ADAT1: variants seen among roughly 807,000 people sequenced by gnomAD.
ADAT1 encodes tRNA-specific adenosine deaminase 1.
In ADAT1, 58 loss-of-function variants were observed where a neutral mutation model predicts 58.6. That is an observed-to-expected ratio of 0.99 (90% CI 0.80 to 1.23). ADAT1 has a LOEUF of 1.23. Among genes scored for constraint, ADAT1 ranks in the 50% most tolerant of loss-of-function variants. The pLI is 0.00. For synonymous variants in ADAT1, 254 were observed against 220.8 expected, an observed-to-expected ratio of 1.15 and a Z score of -1.33; for missense variants, 741 against 608.6, an observed-to-expected ratio of 1.22 and a Z score of -2.29.
At chr16:75,617,362 T>A (rs1194367394) in intron 4 of ADAT1, 90 bp from the exon 5 acceptor site, 5 of 1,393,528 alleles carry the variant, frequency 3.6e-6, no homozygotes, top group Non-Finnish European at 3.0e-6. Context: ...GACAGCTTAC[T>A]GTAGACTAAT....
rs375413441 is a variant in ADAT1 at position 75,603,056 on chromosome 16, T to C, written c.1376+29A>G. The C allele has an allele frequency of 2.5e-6, 4 of 1,599,680 alleles. No homozygotes were observed. The African/African-American group carries it at 5.4e-5, about 21-fold the overall frequency. ...GAATCAAAACAGTTGTCTACCTAAA[T>C]ATGAGAAAACATAGGTCAACAGCAT... On this transcript the variant is annotated intron_variant, in intron 9 of 9. Transcript: ENST00000564657.
rs1209048631 is a variant in ADAT1 at position 75,618,099 on chromosome 16, A to C, written c.293+487T>G. ...GGTAACAGAGCAAGACCCTGTGTCC[A>C]AAAAAAAAAAAAAAAAAAAAAAAAA... On this transcript the variant is annotated intron_variant, in intron 4 of 9. Transcript: ENST00000564657. 2.5e-5 allele frequency among the ~76,000 whole-genome samples: 2 copies of C among 80,138 alleles called. 1 individual carries two copies. The highest frequency in any genetic ancestry group is 6.0e-4 in the East Asian group (2 of 3,312). 52.6% of individuals were successfully genotyped at this position (80,138 alleles called of 152,430 possible).
In ADAT1 at chr16:75,612,324, T is replaced by A. The variant is rs767146941; in HGVS notation, c.962A>T (p.Glu321Val). 1 of 1,614,202 alleles carries A rather than the reference T, an allele frequency of 6.2e-7. No individual in the cohort carries two copies. Among genetic ancestry groups the A allele is most frequent in the South Asian group, 1.1e-5 (1 of 91,086 alleles). The part of the protein sequence containing the change: ...CQGALLMHLL[E>V]EPIYLSAVVI... ...CACAGCTGACAGGTAGATGGGCTCT[T>A]CCAGCAAGTGCATCAACAGTGCCCC... The change falls in exon 6 of 10, where the codon GAA becomes GTA. Residue 321 changes from glutamate (E) to valine (V), a missense_variant. Transcript: ENST00000564657.
In ADAT1 at chr16:75,600,222, G is replaced by C. The variant is rs745438639; in HGVS notation, c.1503C>G (p.Phe501Leu). Residue 501 changes from phenylalanine (F) to leucine (L), a missense_variant, in exon 10 of 10, where the codon TTC becomes TTG. Transcript: ENST00000564657. ...CAGAGCAAACATTTCCTTCTCACTT[G>C]AACTGGTGATAATCCGGTGGGTTTC... ...WIRNPPDYHQ[F>L]K The C allele has an allele frequency of 6.2e-7, 1 of 1,614,166 alleles. No individual in the cohort carries two copies. Among genetic ancestry groups the C allele is most frequent in the Non-Finnish European group, 8.5e-7 (1 of 1,180,018 alleles).
chr16:75,617,153 C>T lies in ADAT1; in HGVS notation c.413G>A (p.Ser138Asn). Residue 138 changes from serine (S) to asparagine (N), a missense_variant, in exon 5 of 10, where the codon AGC becomes AAC. Transcript: ENST00000564657. Reference protein sequence around the residue: ...RRDLIFVFFSSHTPCGDASII... With the variant: ...RRDLIFVFFSNHTPCGDASII... ...TTGAATATACTTACAGGGTGTATGGCTGGAGAAAAACACAAAAATGAGGTC... is the reference window on the plus strand; with the variant it reads ...TTGAATATACTTACAGGGTGTATGGTTGGAGAAAAACACAAAAATGAGGTC... The T allele has an allele frequency of 6.2e-7, 1 of 1,613,366 alleles. No homozygotes were observed. Among genetic ancestry groups the T allele is most frequent in the Non-Finnish European group, 8.5e-7 (1 of 1,179,424 alleles).
chr16:75,608,265 T>A lies in ADAT1; in HGVS notation c.1248A>T (p.Pro416=), dbSNP rs1282057956. 2 of 1,614,116 alleles carry A rather than the reference T, an allele frequency of 1.2e-6. No homozygotes were observed. Among genetic ancestry groups the A allele is most frequent in the Admixed American group, 1.7e-5 (1 of 60,032 alleles). ...CAATTGTTTTCTTTGTTGTTCCCTG[T>A]GGAAAGCCATTGGCAGTAACATCCA... ...QPLDVTANGF[P]QGTTKKTIGS... The change falls in exon 8 of 10, where the codon CCA becomes CCT. Residue 416 remains proline, a synonymous_variant. Coordinates refer to ENST00000564657, the MANE Select transcript of ADAT1 (RefSeq NM_001324445.2).
chr16:75,617,062 G>T lies in ADAT1; in HGVS notation c.424+80C>A, dbSNP rs930302470. 16 of 1,508,010 alleles carry T rather than the reference G, an allele frequency of 1.1e-5. No homozygotes were observed. The African/African-American group carries it at 1.8e-4, about 17-fold the overall frequency. The allele number at this position is 1,508,010 out of a possible 1,614,324, so 93.4% of individuals were successfully genotyped here. ...CTACTTCAGCCATTAGTGCTTTTTA[G>T]GAAAAAACCTACCTATGGATAACAC... On this transcript the variant is annotated intron_variant, in intron 5 of 9. Coordinates refer to ENST00000564657, the MANE Select transcript of ADAT1 (RefSeq NM_001324445.2).
At chr16:75,617,881 A>C (rs2081786526) in intron 4 of ADAT1, among the ~76,000 whole-genome samples, 1 of 150,062 alleles carries the variant, frequency 6.7e-6, no homozygotes, top group South Asian at 2.1e-4. Context: ...AGCCCCAGGA[A>C]TCCAACACCA....
In ADAT1 at chr16:75,598,778, C is replaced by T; in HGVS notation, c.*1438G>A. The T allele has an allele frequency of 1.9e-6, 1 of 526,792 alleles. No homozygotes were observed. Among genetic ancestry groups the T allele is most frequent in the Non-Finnish European group, 2.4e-6 (1 of 411,222 alleles). The allele number at this position is 526,792 out of a possible 1,614,324, so 32.6% of individuals were successfully genotyped here. A position where few individuals can be genotyped will look rare whatever the true frequency, so the allele number is the denominator to read the frequency against. ...AGGTGATCTGCCTGCCTCAGCCTCCCAAAGTGTTGGAATTACAGGCGTAAG... is the reference window on the plus strand; with the variant it reads ...AGGTGATCTGCCTGCCTCAGCCTCCTAAAGTGTTGGAATTACAGGCGTAAG... On this transcript the variant is annotated 3_prime_UTR_variant, in exon 10 of 10. Transcript: ENST00000564657.
intron 4 of ADAT1, 111 bp from the exon 5 acceptor site, chr16:75,617,383 G>T: frequency 8.4e-7 from 1 of 1,197,210 alleles, no homozygotes; most frequent in Non-Finnish European, 1.2e-6. Context: ...GGGACTGGTA[G>T]TGATGGGGAA....
At chr16:75,602,434 C>T (rs1024627982) in intron 9 of ADAT1, among the ~76,000 whole-genome samples, 12 of 152,164 alleles carry the variant, frequency 7.9e-5, no homozygotes, top group Non-Finnish European at 2.9e-5. Context: ...AACTATAGTG[C>T]TTTTCTGAGT....
Position 75,597,531 on chromosome 16 carries a change from G to A in ADAT1, c.*2685C>T. 1 of 330,824 alleles carries A rather than the reference G, an allele frequency of 3.0e-6. No homozygotes were observed. The highest frequency in any genetic ancestry group is 2.4e-5 in the South Asian group (1 of 41,948). The allele number at this position is 330,824 out of a possible 1,614,324, so 20.5% of individuals were successfully genotyped here. On this transcript the variant is annotated 3_prime_UTR_variant, in exon 10 of 10. Coordinates refer to ENST00000564657, the MANE Select transcript of ADAT1 (RefSeq NM_001324445.2). Reference sequence around the variant, plus strand: ...GATAATTTTTCCACAGATCCGGGGTGGGGATAGGGGGATAGTTTCGGGATG... The same window carrying A: ...GATAATTTTTCCACAGATCCGGGGTAGGGATAGGGGGATAGTTTCGGGATG...
At position 75,597,322 on chromosome 16, in the gene ADAT1, T is replaced by C. The variant is rs369568743; in HGVS notation, c.*2894A>G. 2.7e-5 allele frequency: 12 copies of C among 441,268 alleles called. No individual in the cohort carries two copies. The highest frequency in any genetic ancestry group is 1.3e-4 in the South Asian group (8 of 60,600). The allele number at this position is 441,268 out of a possible 1,614,324, so 27.3% of individuals were successfully genotyped here. On this transcript the variant is annotated 3_prime_UTR_variant, in exon 10 of 10. Transcript: ENST00000564657. ...TGCGAGACACAGACACAGAAGGCCATGTGAAGACGGAGGGAGAAACTGAAG... is the reference window on the plus strand; with the variant it reads ...TGCGAGACACAGACACAGAAGGCCACGTGAAGACGGAGGGAGAAACTGAAG...
At chr16:75,614,932 T>C (rs1484121642) in intron 5 of ADAT1, among the ~76,000 whole-genome samples, 1 of 151,946 alleles carries the variant, frequency 6.6e-6, no homozygotes, top group Non-Finnish European at 1.5e-5. Context: ...TCTTTAAAAA[T>C]CTCAATTACC....
In ADAT1 at chr16:75,620,683, C is replaced by T; in HGVS notation, c.117G>A (p.Lys39=). 6.2e-7 allele frequency: 1 copy of T among 1,614,040 alleles called. No homozygotes were observed. Among genetic ancestry groups the T allele is most frequent in the Non-Finnish European group, 8.5e-7 (1 of 1,180,028 alleles). The part of the protein sequence containing the change: ...HEWTLLAAVV[K]IQSPADKACD... ...AGGCCTTGTCAGCTGGAGATTGTAT[C>T]TTCACCACCGCTGCCAATAATGTCC... is the stretch of plus-strand genomic sequence containing the variant. Residue 39 remains lysine (K), a synonymous_variant, in exon 2 of 10, where the codon AAG becomes AAA. Transcript: ENST00000564657.
chr16:75,618,508 C>CAAAAA, intron 4 of ADAT1, 78 bp downstream of exon 4: 7 of 905,758 alleles, frequency 7.7e-6, no homozygotes, highest in East Asian at 3.7e-5. Context: ...TCTGTCCCCC[C>CAAAAA]CAAAAAAAAA....
intron 8 of ADAT1, among the ~76,000 whole-genome samples, chr16:75,605,001 C>T (rs1373528145): frequency 1.3e-5 from 2 of 152,222 alleles, no homozygotes; most frequent in Non-Finnish European, 2.9e-5. Context: ...CCTCAGCCTA[C>T]TCAACATGAA....
chr16:75,620,745 G>C lies in ADAT1; in HGVS notation c.55C>G (p.Leu19Val), dbSNP rs2081907546. 1 of 1,614,146 alleles carries C rather than the reference G, an allele frequency of 6.2e-7. No homozygotes were observed. The highest frequency in any genetic ancestry group is 1.7e-5 in the Admixed American group (1 of 60,008). The change falls in exon 2 of 10, where the codon CTG (leucine) becomes GTG (valine). Residue 19 changes from leucine (L) to valine (V), a missense_variant. Leu to Val is a conservative substitution (Grantham distance 32). Transcript: ENST00000564657. Reference protein sequence around the residue: ...QLCYEHYGIRLPKKGKPEPNH... With the variant: ...QLCYEHYGIRVPKKGKPEPNH... Reference sequence around the variant, plus strand: ...GGCTCAGGCTTCCCCTTCTTGGGCAGCCTGATCCCATAGTGTTCATAGCAT... The same window carrying C: ...GGCTCAGGCTTCCCCTTCTTGGGCACCCTGATCCCATAGTGTTCATAGCAT...
chr16:75,619,329 C>G (rs2081852428), intron 3 of ADAT1, among the ~76,000 whole-genome samples: 1 of 151,968 alleles, frequency 6.6e-6, no homozygotes, highest in Non-Finnish European at 1.5e-5. Context: ...TTGAGACCAG[C>G]CTGGCTAACA....
Sources: gnomAD v4.1 joint callset for allele counts (sites outside exome capture counted in the v4.1 genomes callset) on GRCh38, gnomAD v4.1.1 for gene constraint, MANE v1.5 for transcripts, NCBI Gene and HGNC (gene_info 2026-07-23, HGNC 2026-07-21) for gene names.